Variants in ARHGEF28 observed in about 807,000 individuals in gnomAD.
ARHGEF28 encodes 190 kDa guanine nucleotide exchange factor.
A neutral mutation model predicts 206.6 loss-of-function variants in ARHGEF28; 152 were observed. The observed-to-expected ratio is 0.74, with a 90% CI of 0.64 to 0.84. ARHGEF28 has a LOEUF of 0.84. ARHGEF28 is among the 40% of genes least tolerant of loss of function. The pLI is 0.00. For synonymous variants in ARHGEF28, 763 were observed against 776.4 expected (o/e 0.98, Z 0.29); for missense variants, 2,028 against 2,073.2 (o/e 0.98, Z 0.42).
chr5:73,765,632 C>A (rs1054492061), intron 4 of ARHGEF28, among the ~76,000 whole-genome samples: 2 of 152,106 alleles, frequency 1.3e-5, no homozygotes, highest in African/African-American at 2.4e-5. Flanking sequence ...TTATTCTGAA[C>A]AAAAGTAAGC....
intron 22 of ARHGEF28, among the ~76,000 whole-genome samples, chr5:73,879,457 G>A (rs1230079470): frequency 7.9e-5 from 12 of 152,162 alleles, no homozygotes; most frequent in East Asian, 1.9e-4. Context: ...GCTTTGTTCC[G>A]TTGCTGGTGA....
chr5:73,911,710 G>A (rs778887118), intron 35 of ARHGEF28, 135 bp downstream of exon 35: 23 of 970,504 alleles, frequency 2.4e-5, no homozygotes, highest in Non-Finnish European at 3.1e-5. Context: ...TGGAGTTTGT[G>A]GCATTCACTT....
intron 7 of ARHGEF28, among the ~76,000 whole-genome samples, chr5:73,789,587 T>C (rs1010027650): frequency 3.3e-5 from 5 of 152,208 alleles, no homozygotes; most frequent in Non-Finnish European, 5.9e-5. Context: ...TTAATAAAGC[T>C]GTCATAAAAA....
chr5:73,819,231 C>T (rs1008465091), intron 9 of ARHGEF28, among the ~76,000 whole-genome samples: 2 of 152,166 alleles, frequency 1.3e-5, no homozygotes, highest in Non-Finnish European at 2.9e-5. Flanking sequence ...CCAAATGTTG[C>T]GCTGGCCTGG....
chr5:73,747,053 T>C (rs1046620051), intron 2 of ARHGEF28, among the ~76,000 whole-genome samples: 3 of 152,212 alleles, frequency 2.0e-5, no homozygotes, highest in African/African-American at 7.2e-5. Flanking sequence ...AGCATGCTTC[T>C]TATTTTTTCC....
chr5:73,857,739 T>A lies in ARHGEF28; in HGVS notation c.1874T>A (p.Phe625Tyr). 1 of 1,613,226 alleles carries A rather than the reference T, an allele frequency of 6.2e-7. No individual in the cohort carries two copies. The highest frequency in any genetic ancestry group is 8.5e-7 in the Non-Finnish European group (1 of 1,179,548). ...TATAAAGTGAGTCGAACTTTCAGTT[T>A]CCTCATGAATAGGATGACTAGCCCT... The part of the protein sequence containing the change: ...EKYKVSRTFS[F>Y]LMNRMTSPRN... The change falls in exon 15 of 36, where the codon TTC (phenylalanine) becomes TAC (tyrosine). Residue 625 changes from phenylalanine (F) to tyrosine (Y), a missense_variant. Physicochemically the swap from Phe to Tyr is conservative, Grantham distance 22. Around this residue, in one of 3 missense-constraint regions of ARHGEF28, gnomAD observed 1,002 missense variants for 1,015.3 expected, o/e 0.99. Transcript: ENST00000513042.
chr5:73,653,603 A>C (rs1744976968), intron 1 of ARHGEF28, among the ~76,000 whole-genome samples: 1 of 152,214 alleles, frequency 6.6e-6, no homozygotes, highest in East Asian at 1.9e-4. Flanking sequence ...CATGGAAGGA[A>C]TATCAACTCC....
chr5:73,915,889 T>C (rs1763184551), intron 35 of ARHGEF28, among the ~76,000 whole-genome samples: 3 of 152,184 alleles, frequency 2.0e-5, no homozygotes, highest in Admixed American at 2.0e-4. Context: ...GATTTTGTTA[T>C]GCATAGGCTA....
chr5:73,871,398 G>A (rs566218717), intron 21 of ARHGEF28, among the ~76,000 whole-genome samples: 20 of 152,308 alleles, frequency 1.3e-4, no homozygotes, highest in Admixed American at 3.3e-4. Context: ...ATAATTCAAA[G>A]TTGGTAGATT....
chr5:73,669,198 A>G (rs1162488090), intron 1 of ARHGEF28, among the ~76,000 whole-genome samples: 1 of 152,192 alleles, frequency 6.6e-6, no homozygotes, highest in African/African-American at 2.4e-5. Context: ...AATCCAAACA[A>G]CATGTCACAA....
intron 2 of ARHGEF28, among the ~76,000 whole-genome samples, chr5:73,741,525 TTC>T (rs1387174013): frequency 6.7e-6 from 1 of 149,658 alleles, no homozygotes; most frequent in Non-Finnish European, 1.5e-5. Context: ...ATTCAAGCGA[TTC>T]TCTTTTCTCA....
At chr5:73,787,322 A>G (rs368005197) in intron 7 of ARHGEF28, among the ~76,000 whole-genome samples, 8 of 152,124 alleles carry the variant, frequency 5.3e-5, no homozygotes, top group Non-Finnish European at 2.9e-5. Flanking sequence ...GAAGTAGGGT[A>G]TTTTTGGCAT....
chr5:73,925,334 C>G (rs1308717447), intron 35 of ARHGEF28, among the ~76,000 whole-genome samples: 1 of 152,186 alleles, frequency 6.6e-6, no homozygotes, highest in Admixed American at 6.5e-5. Context: ...ACCCCCACAT[C>G]CCCAACCTTT....
intron 9 of ARHGEF28, among the ~76,000 whole-genome samples, chr5:73,812,792 T>C (rs1210667084): frequency 1.3e-5 from 2 of 152,166 alleles, no homozygotes; most frequent in Admixed American, 6.5e-5. Flanking sequence ...CGGCCAGACT[T>C]GGTGACAGTA....
At chr5:73,705,072 A>G (rs1748854845) in intron 2 of ARHGEF28, among the ~76,000 whole-genome samples, 1 of 152,218 alleles carries the variant, frequency 6.6e-6, no homozygotes, top group Non-Finnish European at 1.5e-5. Flanking sequence ...GAACTGAGGT[A>G]TTTAGACATT....
chr5:73,670,213 C>T (rs981419480), intron 1 of ARHGEF28, among the ~76,000 whole-genome samples: 12 of 152,078 alleles, frequency 7.9e-5, no homozygotes, highest in Admixed American at 2.0e-4. Context: ...ATAAATTTTT[C>T]GTTTAAAAAT....
At chr5:73,719,204 C>CT (rs1038005045) in intron 2 of ARHGEF28, among the ~76,000 whole-genome samples, 9 of 152,036 alleles carry the variant, frequency 5.9e-5, no homozygotes, top group African/African-American at 2.2e-4. Flanking sequence ...TAATAAGAAG[C>CT]TTTGTCTTCC....
At chr5:73,711,186 G>T (rs746254670) in intron 2 of ARHGEF28, among the ~76,000 whole-genome samples, 8 of 152,044 alleles carry the variant, frequency 5.3e-5, no homozygotes, top group Non-Finnish European at 8.8e-5. Context: ...GTGTTTTGTT[G>T]TTCCAGATTA....
At position 73,817,801 on chromosome 5, in the gene ARHGEF28, T is replaced by C. The variant is rs916997513; in HGVS notation, c.1025-14537T>C. Among the ~76,000 whole-genome samples, 43 of 152,066 alleles carry C rather than the reference T, an allele frequency of 2.8e-4. 1 individual carries two copies. The highest frequency in any genetic ancestry group is 2.8e-3 in the Admixed American group (43 of 15,256). ...CTTCCTGGTATGTTTCACCACCTCT[T>C]AGTAGCGGTAAGGGATGGTAAACTT... On this transcript the variant is annotated intron_variant, in intron 9 of 35. Transcript: ENST00000513042.
Sources: allele counts gnomAD v4.1 joint callset (sites outside exome capture counted in the v4.1 genomes callset), GRCh38; gene constraint gnomAD v4.1.1; regional missense constraint gnomAD v4.1.1; transcripts MANE v1.5; gene names NCBI Gene and HGNC (gene_info 2026-07-23, HGNC 2026-07-21).